FBXL20: variants seen among roughly 807,000 people sequenced by gnomAD.
FBXL20 encodes F-box and leucine rich repeat protein 20, also known as F-box/LRR-repeat protein 20.
In FBXL20, 11 loss-of-function variants were observed where a neutral mutation model predicts 64.0. The ratio of observed to expected loss-of-function variants is 0.17; its 90% CI spans 0.11 to 0.28. The LOEUF (loss-of-function observed/expected upper bound fraction) is 0.28. Ranked by LOEUF, FBXL20 falls within the 10% of genes least tolerant of loss-of-function variation. The pLI is 1.00. For missense variants in FBXL20, 303 were observed against 526.2 expected (o/e 0.58, Z 4.15); for synonymous variants, 184 against 189.0 (o/e 0.97, Z 0.22).
intron 1 of FBXL20, among the ~76,000 whole-genome samples, chr17:39,367,297 T>C (rs943584769): frequency 4.0e-5 from 6 of 151,668 alleles, no homozygotes; most frequent in Non-Finnish European, 8.8e-5. Flanking sequence ...ACATTGGACC[T>C]CCTGGTTTAT....
intron 2 of FBXL20, among the ~76,000 whole-genome samples, chr17:39,340,934 A>C (rs2047576597): frequency 6.6e-6 from 1 of 151,264 alleles, no homozygotes; most frequent in Admixed American, 6.6e-5. Context: ...ATTGTTTTCT[A>C]TCTAGTATAA....
At chr17:39,332,643 G>A (rs974831295) in intron 2 of FBXL20, among the ~76,000 whole-genome samples, 23 of 145,746 alleles carry the variant, frequency 1.6e-4, no homozygotes, top group Non-Finnish European at 3.1e-4. Flanking sequence ...CTGGGTTCAC[G>A]CCATTCGCCT....
At chr17:39,381,465 G>A (rs1200855162) in intron 1 of FBXL20, among the ~76,000 whole-genome samples, 1 of 138,796 alleles carries the variant, frequency 7.2e-6, no homozygotes, top group Non-Finnish European at 1.5e-5. Context: ...GGGTAATACA[G>A]TGAGACTCTG....
chr17:39,368,641 C>T (rs1049286730), intron 1 of FBXL20, among the ~76,000 whole-genome samples: 1 of 152,046 alleles, frequency 6.6e-6, no homozygotes, highest in Admixed American at 6.6e-5. Flanking sequence ...ACTTAACACC[C>T]TTCTAACTTT....
chr17:39,281,484 G>T, intron 8 of FBXL20, 21 bp from the exon 9 acceptor site: 1 of 1,583,628 alleles, frequency 6.3e-7, no homozygotes, highest in South Asian at 1.1e-5. Context: ...TAAAAAGTAA[G>T]AAAAAAATGA....
intron 1 of FBXL20, among the ~76,000 whole-genome samples, chr17:39,385,712 G>A (rs72825164): frequency 0.053 from 8,091 of 152,208 alleles, 240 homozygotes; most frequent in Non-Finnish European, 0.078. Context: ...CTACAAGAAA[G>A]TTAACTGAAC....
intron 1 of FBXL20, among the ~76,000 whole-genome samples, chr17:39,347,835 T>C (rs970686735): frequency 4.6e-5 from 7 of 152,274 alleles, no homozygotes; most frequent in Non-Finnish European, 1.0e-4. Context: ...GTCTAACATT[T>C]AAGTCTTTAA....
intron 1 of FBXL20, among the ~76,000 whole-genome samples, chr17:39,347,094 T>C (rs142870676): frequency 0.032 from 4,903 of 152,318 alleles, 271 homozygotes; most frequent in African/African-American, 0.11. Context: ...CTGTCATTGA[T>C]GGACGTTTGG....
chr17:39,370,905 C>T (rs1188048672), intron 1 of FBXL20, among the ~76,000 whole-genome samples: 1 of 151,926 alleles, frequency 6.6e-6, no homozygotes, highest in African/African-American at 2.4e-5. Context: ...TAGAACCTGT[C>T]TTATAGAACA....
intron 9 of FBXL20, 45 bp downstream of exon 9, chr17:39,281,344 G>A (rs2046948683): frequency 1.9e-6 from 3 of 1,558,206 alleles, no homozygotes; most frequent in Non-Finnish European, 2.6e-6. Context: ...AAATTTTAAT[G>A]AAATGAATTA....
intron 1 of FBXL20, among the ~76,000 whole-genome samples, chr17:39,379,485 C>CAA (rs375953565): frequency 3.1e-5 from 4 of 127,064 alleles, no homozygotes; most frequent in South Asian, 2.5e-4. Context: ...CATCCCTTAC[C>CAA]AAAAAAAAAA....
chr17:39,396,653 T>A (rs950231980), intron 1 of FBXL20, among the ~76,000 whole-genome samples: 2 of 144,734 alleles, frequency 1.4e-5, no homozygotes, highest in Non-Finnish European at 3.0e-5. Flanking sequence ...TAGCAAAAAA[T>A]TAAGATTAAT....
intron 10 of FBXL20, among the ~76,000 whole-genome samples, chr17:39,273,467 A>C (rs1468542277): frequency 3.3e-5 from 5 of 152,194 alleles, no homozygotes; most frequent in Admixed American, 6.5e-5. Context: ...TTGTTCCTAC[A>C]CTAACTAGCT....
intron 2 of FBXL20, among the ~76,000 whole-genome samples, chr17:39,307,891 A>C (rs2047197080): frequency 1.3e-5 from 2 of 151,750 alleles, no homozygotes. Context: ...GAATCGCTAC[A>C]ACTTGGGAGG....
At position 39,258,678 on chromosome 17, in the gene FBXL20, C is replaced by A. The variant is rs2046716079; in HGVS notation, c.*2782G>T. 6.6e-6 allele frequency: 1 copy of A among 152,236 alleles called. No individual in the cohort carries two copies. The highest frequency in any genetic ancestry group is 6.5e-5 in the Admixed American group (1 of 15,268). The allele number at this position is 152,236 out of a possible 1,614,324, so 9.4% of individuals were successfully genotyped here. On this transcript the variant is annotated 3_prime_UTR_variant, in exon 15 of 15. Coordinates refer to ENST00000264658, the MANE Select transcript of FBXL20 (RefSeq NM_032875.3). ...AAGTAAAGAAGTACCTTAATAGCCT[C>A]AACTTAGGCAACTCAAATCCACACT...
chr17:39,344,692 G>A (rs1229171217), intron 1 of FBXL20, among the ~76,000 whole-genome samples: 3 of 152,220 alleles, frequency 2.0e-5, no homozygotes, highest in Non-Finnish European at 4.4e-5. Flanking sequence ...AGAAGACTGA[G>A]GCATGAGAAT....
At chr17:39,393,243 C>T (rs182467457) in intron 1 of FBXL20, among the ~76,000 whole-genome samples, 2 of 151,806 alleles carry the variant, frequency 1.3e-5, no homozygotes, top group Non-Finnish European at 2.9e-5. Context: ...GAGCTCAGAT[C>T]GCGCCATTGC....
At chr17:39,300,626 T>A (rs2047125370) in intron 4 of FBXL20, among the ~76,000 whole-genome samples, 1 of 152,108 alleles carries the variant, frequency 6.6e-6, no homozygotes, top group African/African-American at 2.4e-5. Flanking sequence ...CTCAAAAAAA[T>A]ATATACGAAC....
intron 1 of FBXL20, among the ~76,000 whole-genome samples, chr17:39,364,368 T>G (rs1567897233): frequency 6.6e-6 from 1 of 152,156 alleles, no homozygotes; most frequent in Non-Finnish European, 1.5e-5. Flanking sequence ...ATCCCAACAA[T>G]CTGGGAGGCC....
Sources: allele counts gnomAD v4.1 joint callset (sites outside exome capture counted in the v4.1 genomes callset), GRCh38; gene constraint gnomAD v4.1.1; transcripts MANE v1.5; gene names NCBI Gene and HGNC (gene_info 2026-07-23, HGNC 2026-07-21).